GRB14: variants seen among roughly 807,000 people sequenced by gnomAD.
GRB14 encodes growth factor receptor bound protein 14, also known as growth factor receptor-bound protein 14.
GRB14 carries 38 observed loss-of-function variants against 69.1 expected under a neutral mutation model. The ratio of observed to expected loss-of-function variants is 0.55; its 90% CI spans 0.42 to 0.72. The LOEUF (loss-of-function observed/expected upper bound fraction) is 0.72, where lower values mean the gene tolerates loss of function less well. GRB14 is among the 30% of genes least tolerant of loss of function. GRB14 has a pLI of 0.00. For missense variants in GRB14, 666 were observed against 666.1 expected, an observed-to-expected ratio of 1.00 and a Z score of 0.00; for synonymous variants, 247 against 241.3, an observed-to-expected ratio of 1.02 and a Z score of -0.22.
At chr2:164,617,981 G>C (rs1374989506) in intron 2 of GRB14, among the ~76,000 whole-genome samples, 1 of 134,946 alleles carries the variant, frequency 7.4e-6, no homozygotes, top group East Asian at 2.4e-4. Context: ...GGTAGTGTCA[G>C]CGGGGGACAG....
chr2:164,522,400 T>G (rs1327245897), intron 5 of GRB14, among the ~76,000 whole-genome samples: 1 of 152,078 alleles, frequency 6.6e-6, no homozygotes, highest in Non-Finnish European at 1.5e-5. Flanking sequence ...ATGTTTCAAA[T>G]GAAAATGAGT....
chr2:164,531,536 G>T lies in GRB14; in HGVS notation c.482-4401C>A, dbSNP rs921812851. ...CAAAGAGGCATTTTGTTGTTTTTTT[G>T]AGTGTCACAGTAGACTTTATCAATT... On this transcript the variant is annotated intron_variant, in intron 3 of 13. Coordinates refer to ENST00000263915, the MANE Select transcript of GRB14 (RefSeq NM_004490.3). Among the ~76,000 whole-genome samples, 3 of 152,248 alleles carry T rather than the reference G, an allele frequency of 2.0e-5. No homozygotes were observed. The South Asian group carries it at 6.2e-4, about 32-fold the overall frequency.
At chr2:164,617,966 G>C (rs1183760961) in intron 2 of GRB14, among the ~76,000 whole-genome samples, 1 of 137,260 alleles carries the variant, frequency 7.3e-6, no homozygotes, top group Non-Finnish European at 1.6e-5. Context: ...TTTTGGGGGG[G>C]GGGGGGTAGT....
intron 9 of GRB14, among the ~76,000 whole-genome samples, chr2:164,499,641 ACTTT>A (rs1662115401): frequency 1.3e-5 from 2 of 152,122 alleles, no homozygotes; most frequent in Non-Finnish European, 2.9e-5. Flanking sequence ...TAATGGCATG[ACTTT>A]CTTTCTTTTT....
At chr2:164,542,659 A>T (rs1052491097) in intron 3 of GRB14, among the ~76,000 whole-genome samples, 1 of 152,196 alleles carries the variant, frequency 6.6e-6, no homozygotes, top group Non-Finnish European at 1.5e-5. Flanking sequence ...ATCACTAATC[A>T]TCAGAGGAAT....
At chr2:164,521,139 T>C (rs752951502) in intron 6 of GRB14, among the ~76,000 whole-genome samples, 3 of 151,768 alleles carry the variant, frequency 2.0e-5, no homozygotes, top group Non-Finnish European at 2.9e-5. Flanking sequence ...GATAAAGAAA[T>C]TGTGAGATAG....
chr2:164,612,741 T>C (rs2105360874), intron 2 of GRB14, among the ~76,000 whole-genome samples: 1 of 152,194 alleles, frequency 6.6e-6, no homozygotes, highest in Non-Finnish European at 1.5e-5. Context: ...TCCAATTTTC[T>C]TTCTCTTGAC....
At chr2:164,570,379 A>C (rs1244982060) in intron 2 of GRB14, among the ~76,000 whole-genome samples, 1 of 152,084 alleles carries the variant, frequency 6.6e-6, no homozygotes, top group Non-Finnish European at 1.5e-5. Flanking sequence ...TATCAAGCAA[A>C]GTACTATTTG....
At chr2:164,542,658 C>T (rs534739681) in intron 3 of GRB14, among the ~76,000 whole-genome samples, 14 of 152,252 alleles carry the variant, frequency 9.2e-5, no homozygotes, top group Admixed American at 6.5e-4. Flanking sequence ...CATCACTAAT[C>T]ATCAGAGGAA....
Position 164,502,240 on chromosome 2 carries a change from A to C in GRB14, c.1104+15T>G. ...AATGTAAAATAAAACACAGGCTCAA[A>C]AATTTGGTCCTTACCATAGGTGATA... On this transcript the variant is annotated intron_variant, in intron 9 of 13. Coordinates refer to ENST00000263915, the MANE Select transcript of GRB14 (RefSeq NM_004490.3). 1 of 1,433,156 alleles carries C rather than the reference A, an allele frequency of 7.0e-7. No individual in the cohort carries two copies. 88.8% of individuals were successfully genotyped at this position (1,433,156 alleles called of 1,614,324 possible). A position where few individuals can be genotyped will look rare whatever the true frequency, so the allele number is the denominator to read the frequency against.
At chr2:164,606,510 A>G (rs6744405) in intron 2 of GRB14, among the ~76,000 whole-genome samples, 8,330 of 152,214 alleles carry the variant, frequency 0.055, 355 homozygotes, top group Non-Finnish European at 0.083. Context: ...ATGGAGGTTG[A>G]CCCAATACCT....
intron 2 of GRB14, among the ~76,000 whole-genome samples, chr2:164,565,730 A>T (rs1452979861): frequency 3.3e-5 from 5 of 152,224 alleles, no homozygotes; most frequent in African/African-American, 1.2e-4. Context: ...CAGAACCTTA[A>T]TTCACTTAAA....
At chr2:164,619,267 G>T (rs1241664301) in intron 2 of GRB14, among the ~76,000 whole-genome samples, 1 of 152,112 alleles carries the variant, frequency 6.6e-6, no homozygotes, top group Non-Finnish European at 1.5e-5. Flanking sequence ...AATGAGGTTG[G>T]CTTGGGTTGA....
chr2:164,539,003 C>T (rs1688160314), intron 3 of GRB14, among the ~76,000 whole-genome samples: 1 of 152,016 alleles, frequency 6.6e-6, no homozygotes, highest in Non-Finnish European at 1.5e-5. Flanking sequence ...ACCGCAGAAT[C>T]TCAGGAACAT....
intron 2 of GRB14, among the ~76,000 whole-genome samples, chr2:164,609,074 A>G (rs1470590304): frequency 6.6e-6 from 1 of 152,182 alleles, no homozygotes; most frequent in East Asian, 1.9e-4. Flanking sequence ...AGTCCCCAAA[A>G]TGATTTCTAT....
intron 7 of GRB14, 55 bp from the exon 8 acceptor site, chr2:164,508,605 T>C: frequency 1.3e-6 from 2 of 1,531,388 alleles, no homozygotes; most frequent in Non-Finnish European, 1.8e-6. Context: ...AGGTAACACC[T>C]GTTGAAATAA....
intron 2 of GRB14, among the ~76,000 whole-genome samples, chr2:164,589,256 T>C (rs1348780356): frequency 6.6e-6 from 1 of 152,218 alleles, no homozygotes; most frequent in African/African-American, 2.4e-5. Flanking sequence ...ACAACTACAA[T>C]AATACTTTAT....
At chr2:164,531,123 T>C (rs555221942) in intron 3 of GRB14, among the ~76,000 whole-genome samples, 1 of 152,280 alleles carries the variant, frequency 6.6e-6, no homozygotes, top group African/African-American at 2.4e-5. Context: ...TTCTCAGCCT[T>C]AGCACTTGGA....
chr2:164,497,626 T>C (rs1686939195), intron 9 of GRB14, 136 bp from the exon 10 acceptor site: 2 of 626,346 alleles, frequency 3.2e-6, no homozygotes, highest in Admixed American at 2.9e-5. Flanking sequence ...TAGAAGGTGG[T>C]GCCTGAAGGG....
Sources: allele counts gnomAD v4.1 joint callset (sites outside exome capture counted in the v4.1 genomes callset), GRCh38; gene constraint gnomAD v4.1.1; transcripts MANE v1.5; gene names NCBI Gene and HGNC (gene_info 2026-07-23, HGNC 2026-07-21).